Variants in PARG observed in about 807,000 individuals in gnomAD.
PARG encodes the protein poly(ADP-ribose) glycohydrolase.
A neutral mutation model predicts 113.0 loss-of-function variants in PARG; 35 were observed. The ratio of observed to expected loss-of-function variants is 0.31; its 90% CI spans 0.24 to 0.41. The LOEUF is 0.41. Among genes scored for constraint, PARG ranks in the 10% least tolerant of loss-of-function variants. PARG has a pLI of 1.00. For synonymous variants in PARG, 330 were observed against 409.9 expected (o/e 0.81, Z 2.36); for missense variants, 797 against 1,169.4 (o/e 0.68, Z 4.64).
chr10:49,858,818 A>G (rs1248683180), intron 12 of PARG, among the ~76,000 whole-genome samples: 12 of 151,510 alleles, frequency 7.9e-5, no homozygotes, highest in Non-Finnish European at 1.5e-4. Flanking sequence ...TACCTACTAC[A>G]TATGAGGTCT....
intron 7 of PARG, among the ~76,000 whole-genome samples, chr10:49,914,075 T>TG (rs1442804065): frequency 1.3e-5 from 2 of 152,126 alleles, no homozygotes; most frequent in African/African-American, 4.8e-5. Context: ...CTGGGCAAGG[T>TG]CACCAGATAA....
intron 11 of PARG, among the ~76,000 whole-genome samples, chr10:49,865,106 A>G (rs1846434701): frequency 6.6e-6 from 1 of 152,042 alleles, no homozygotes; most frequent in Non-Finnish European, 1.5e-5. Flanking sequence ...ACAAAATGGT[A>G]GAAATCAAAG....
Position 49,932,270 on chromosome 10 carries a change from C to T in PARG, c.1285G>A (p.Glu429Lys). 1 of 1,574,026 alleles carries T rather than the reference C, an allele frequency of 6.4e-7. No homozygotes were observed. Among genetic ancestry groups the T allele is most frequent in the South Asian group, 1.1e-5 (1 of 90,292 alleles). Residue 429 changes from glutamate to lysine, a missense_variant, in exon 4 of 18, where the codon GAA becomes AAA. Physicochemically the swap from Glu to Lys is moderately conservative, Grantham distance 56. Coordinates refer to ENST00000616448, the MANE Select transcript of PARG (RefSeq NM_003631.5). The part of the protein sequence containing the change: ...KAEDRRKEQW[E>K]TKHQRTERKI... ...CTTTCTGTTCTTTGATGTTTGGTTT[C>T]CCACTGTTCTTTTCTAAGGTCAAGA...
chr10:49,868,617 C>T (rs1317457768), intron 10 of PARG, among the ~76,000 whole-genome samples: 11 of 152,068 alleles, frequency 7.2e-5, no homozygotes, highest in Non-Finnish European at 1.6e-4. Flanking sequence ...TAAGACAATC[C>T]TATGACCCAG....
At chr10:49,907,220 CTA>C (rs1490006385) in intron 7 of PARG, among the ~76,000 whole-genome samples, 1 of 152,178 alleles carries the variant, frequency 6.6e-6, no homozygotes, top group African/African-American at 2.4e-5. Context: ...TGACAAGGCA[CTA>C]TGTCACTCAG....
At chr10:49,908,842 T>C (rs1837004181) in intron 7 of PARG, among the ~76,000 whole-genome samples, 1 of 152,170 alleles carries the variant, frequency 6.6e-6, no homozygotes, top group South Asian at 2.1e-4. Flanking sequence ...CTTCAGTTAC[T>C]GAATAACGAA....
At chr10:49,915,847 G>A in intron 7 of PARG, 70 bp downstream of exon 7, 1 of 774,750 alleles carries the variant, frequency 1.3e-6, no homozygotes, top group Non-Finnish European at 2.2e-6. Flanking sequence ...GCAGAATTAT[G>A]GGTATTCTTC....
chr10:49,900,068 A>G (rs1189812231), intron 7 of PARG, among the ~76,000 whole-genome samples: 26 of 150,658 alleles, frequency 1.7e-4, no homozygotes, highest in African/African-American at 6.4e-4. Flanking sequence ...CCTCCCCATC[A>G]AGGATTGCCA....
chr10:49,828,100 A>C (rs1554829695), intron 16 of PARG, among the ~76,000 whole-genome samples: 3 of 145,594 alleles, frequency 2.1e-5, no homozygotes, highest in African/African-American at 7.5e-5. Flanking sequence ...AACAAAAAAA[A>C]AAAAAAAAAA....
intron 16 of PARG, among the ~76,000 whole-genome samples, chr10:49,827,576 A>C (rs1554829582): frequency 2.0e-5 from 3 of 152,208 alleles, no homozygotes; most frequent in Non-Finnish European, 4.4e-5. Context: ...CACCTAAAAC[A>C]AAACAAAACA....
At chr10:49,927,369 G>GGAAAGAAGGAAA (rs1247056972) in intron 4 of PARG, among the ~76,000 whole-genome samples, 3,225 of 130,476 alleles carry the variant, frequency 0.025, 64 homozygotes, top group East Asian at 0.092. Flanking sequence ...AAGGAAAGAA[G>GGAAAGAAGGAAA]GAAAGAAAGA....
chr10:49,858,814 C>G (rs1254020077), intron 12 of PARG, among the ~76,000 whole-genome samples: 2 of 151,278 alleles, frequency 1.3e-5, no homozygotes, highest in East Asian at 3.9e-4. Context: ...TAGCTACCTA[C>G]TACATATGAG....
intron 4 of PARG, among the ~76,000 whole-genome samples, chr10:49,923,445 C>T (rs1376336028): frequency 6.6e-5 from 10 of 151,984 alleles, no homozygotes; most frequent in Admixed American, 5.2e-4. Context: ...TACATGTGTA[C>T]GTGTACACAT....
intron 4 of PARG, among the ~76,000 whole-genome samples, chr10:49,925,813 T>C (rs146018907): frequency 5.8e-4 from 88 of 152,372 alleles, no homozygotes; most frequent in African/African-American, 1.9e-3. Flanking sequence ...TTAGGAATAA[T>C]GCTCAAAATC....
At chr10:49,844,881 C>T (rs782115437) in intron 13 of PARG, among the ~76,000 whole-genome samples, 9 of 152,066 alleles carry the variant, frequency 5.9e-5, no homozygotes, top group Admixed American at 2.0e-4. Flanking sequence ...TCAGAATATG[C>T]GACGAACTCC....
intron 8 of PARG, among the ~76,000 whole-genome samples, chr10:49,882,663 G>A (rs1168332702): frequency 1.3e-4 from 20 of 150,638 alleles, no homozygotes; most frequent in Non-Finnish European, 4.4e-5. Context: ...TATGCACGAG[G>A]GGAAGAGGAT....
chr10:49,927,879 C>T (rs1838286378), intron 4 of PARG, among the ~76,000 whole-genome samples: 1 of 151,718 alleles, frequency 6.6e-6, no homozygotes, highest in Admixed American at 6.6e-5. Context: ...TTGCTTGAAC[C>T]TAAGAGTTGG....
intron 7 of PARG, among the ~76,000 whole-genome samples, chr10:49,904,341 C>T (rs1398484928): frequency 6.6e-6 from 1 of 150,532 alleles, no homozygotes; most frequent in Non-Finnish European, 1.5e-5. Flanking sequence ...TTGCATATAA[C>T]CTGCATTAAG....
At chr10:49,902,039 T>C (rs1848369048) in intron 7 of PARG, among the ~76,000 whole-genome samples, 1 of 152,234 alleles carries the variant, frequency 6.6e-6, no homozygotes, top group Non-Finnish European at 1.5e-5. Flanking sequence ...GTAATTAATT[T>C]CTATTTAAAT....
Sources: allele counts gnomAD v4.1 joint callset (sites outside exome capture counted in the v4.1 genomes callset), GRCh38; gene constraint gnomAD v4.1.1; transcripts MANE v1.5; gene names NCBI Gene and HGNC (gene_info 2026-07-23, HGNC 2026-07-21).